NOTCH1: variants seen among roughly 807,000 people sequenced by gnomAD.
The protein encoded by NOTCH1 is notch receptor 1, also known as neurogenic locus notch homolog protein 1.
Under a neutral mutation model 254.8 loss-of-function variants are expected in NOTCH1, and 37 were observed. The observed-to-expected ratio is 0.15, with a 90% CI of 0.11 to 0.19. NOTCH1 has a LOEUF of 0.19. Among genes scored for constraint, NOTCH1 ranks in the 10% least tolerant of loss-of-function variants. The pLI is 1.00. For missense variants in NOTCH1, 2,972 were observed against 3,708.6 expected (o/e 0.80, Z 5.16); for synonymous variants, 1,731 against 1,618.1 (o/e 1.07, Z -1.68).
Position 136,545,885 on chromosome 9 carries a change from G to A in NOTCH1, c.-99C>T. The stretch of plus-strand genomic sequence containing the variant: ...CGCGGCGTACGGTCCCGGGGCGGCG[G>A]CGGACGGTCCCGCCCTCTCTTCCCC... On this transcript the variant is annotated 5_prime_UTR_variant, in exon 1 of 34. Coordinates refer to ENST00000651671, the MANE Select transcript of NOTCH1 (RefSeq NM_017617.5). This position sits in a 1 kb window ranked among gnomAD's most constrained non-coding sequence, Gnocchi z 6.8. 1.8e-6 allele frequency: 1 copy of A among 548,164 alleles called. No individual in the cohort carries two copies. The highest frequency in any genetic ancestry group is 2.0e-5 in the African/African-American group (1 of 49,254). 34.0% of individuals were successfully genotyped at this position (548,164 alleles called of 1,614,324 possible).
chr9:136,505,245 G>A (rs565940861), intron 25 of NOTCH1, 65 bp downstream of exon 25: 398 of 1,533,250 alleles, frequency 2.6e-4, no homozygotes, highest in Middle Eastern at 3.4e-4. Context: ...GCTGGCCTCC[G>A]GGCCCAAGCC....
chr9:136,499,139 CGT>C lies in NOTCH1; in HGVS notation c.6053_6054del (p.His2018ArgfsTer8). ...EGMLEDLINS[H>X]ADVNAVDDLG... Reference sequence around the variant, plus strand: ...AGGTCATCTACGGCGTTGACGTCGGCGTGTGAGTTGATGAGGTCCTCCAGCAT... The same window carrying C: ...AGGTCATCTACGGCGTTGACGTCGGCGTGAGTTGATGAGGTCCTCCAGCAT... On this transcript the variant is annotated frameshift_variant, in exon 32 of 34. Coordinates refer to ENST00000651671, the MANE Select transcript of NOTCH1 (RefSeq NM_017617.5). LOFTEE classifies it high-confidence loss of function. 6.2e-7 allele frequency: 1 copy of C among 1,613,242 alleles called. No homozygotes were observed. The highest frequency in any genetic ancestry group is 8.5e-7 in the Non-Finnish European group (1 of 1,180,004).
Position 136,501,788 on chromosome 9 carries a change from C to T in NOTCH1, c.5598G>A (p.Glu1866=). 1 of 1,612,720 alleles carries T rather than the reference C, an allele frequency of 6.2e-7. No individual in the cohort carries two copies. The highest frequency in any genetic ancestry group is 8.5e-7 in the Non-Finnish European group (1 of 1,179,980). The part of the protein sequence containing the change: ...SAMAPTPPQG[E]VDADCMDVNV... ...TGACGTCCATGCAGTCGGCGTCAAC[C>T]TCACCCTGGGGCGGTGTGGGGGCCA... Residue 1866 remains glutamate, a synonymous_variant, in exon 30 of 34, where the codon GAG becomes GAA. Coordinates refer to ENST00000651671, the MANE Select transcript of NOTCH1 (RefSeq NM_017617.5).
rs1843001808 is a variant in NOTCH1 at position 136,501,851 on chromosome 9, C to T, written c.5535G>A (p.Gln1845=). Residue 1845 remains glutamine (Q), a synonymous_variant, in exon 30 of 34, where the codon CAG becomes CAA. Transcript: ENST00000651671. ...DDQTDHRQWT[Q]QHLDAADLRM... is the part of the protein sequence containing the mutation. ...GCAGGTCAGCGGCATCCAGGTGCTGCTGAGTCCACTGCCGGTGGTCTGTCT... is the reference window on the plus strand; with the variant it reads ...GCAGGTCAGCGGCATCCAGGTGCTGTTGAGTCCACTGCCGGTGGTCTGTCT... 10 of 1,612,680 alleles carry T rather than the reference C, an allele frequency of 6.2e-6. No homozygotes were observed. Among genetic ancestry groups the T allele is most frequent in the Non-Finnish European group, 8.5e-6 (10 of 1,179,968 alleles).
intron 21 of NOTCH1, 36 bp downstream of exon 21, chr9:136,507,919 G>C: frequency 6.2e-7 from 1 of 1,604,854 alleles, no homozygotes. Flanking sequence ...CAACACTCGT[G>C]CCGGCCACAA....
At chr9:136,541,131 G>C (rs188761421) in intron 2 of NOTCH1, among the ~76,000 whole-genome samples, 35 of 152,210 alleles carry the variant, frequency 2.3e-4, no homozygotes, top group African/African-American at 7.7e-4. Context: ...GCCACACCTC[G>C]CACAGCAGCT....
At chr9:136,515,459 C>A (rs1489959755) in intron 11 of NOTCH1, 24 bp downstream of exon 11, 3 of 1,611,558 alleles carry the variant, frequency 1.9e-6, no homozygotes, top group Non-Finnish European at 2.5e-6. Context: ...TGGCCCCCCG[C>A]CGGCCACCCG....
At chr9:136,520,212 G>T (rs1234930305) in intron 4 of NOTCH1, among the ~76,000 whole-genome samples, 1 of 152,156 alleles carries the variant, frequency 6.6e-6, no homozygotes, top group African/African-American at 2.4e-5. Flanking sequence ...ACCCAGAAAG[G>T]CGCGTTCGGC....
chr9:136,511,558 C>T lies in NOTCH1; in HGVS notation c.2468-287G>A, dbSNP rs139672274. Among the ~76,000 whole-genome samples the T allele has an allele frequency of 7.0e-3, 1,065 of 152,346 alleles. 12 individuals carry two copies. Among genetic ancestry groups the T allele is most frequent in the Non-Finnish European group, 9.3e-3 (631 of 68,032 alleles). On this transcript the variant is annotated intron_variant, in intron 15 of 33. Coordinates refer to ENST00000651671, the MANE Select transcript of NOTCH1 (RefSeq NM_017617.5). ...GGGCACAGCCTAGGCCTCACCCCAC[C>T]AGGCGTGCCCAGGAACAAGGACTGC... is the stretch of plus-strand genomic sequence containing the variant.
In NOTCH1 at chr9:136,502,088, C is replaced by T. The variant is rs2133330187; in HGVS notation, c.5385G>A (p.Lys1795=). 1 of 1,613,094 alleles carries T rather than the reference C, an allele frequency of 6.2e-7. No homozygotes were observed. Among genetic ancestry groups the T allele is most frequent in the South Asian group, 1.1e-5 (1 of 91,084 alleles). ...EPLGEDSVGL[K]PLKNASDGAL... ...CACCGTCTGAAGCGTTCTTCAGGGGCCTGGGGGGTGAGGGGTCGAGAAGTG... is the reference window on the plus strand; with the variant it reads ...CACCGTCTGAAGCGTTCTTCAGGGGTCTGGGGGGTGAGGGGTCGAGAAGTG... Residue 1795 remains lysine (K), a splice_region_variant and synonymous_variant, in exon 29 of 34, where the codon AAG becomes AAA. Coordinates refer to ENST00000651671, the MANE Select transcript of NOTCH1 (RefSeq NM_017617.5).
rs762388692 is a variant in NOTCH1 at position 136,502,031 on chromosome 9, C to A, written c.5442G>T (p.Gly1814=). 8 of 1,613,282 alleles carry A rather than the reference C, an allele frequency of 5.0e-6. No homozygotes were observed. The South Asian group carries it at 8.8e-5, about 18-fold the overall frequency. Residue 1814 remains glycine (G), a synonymous_variant, in exon 29 of 34, where the codon GGG becomes GGT. Transcript: ENST00000651671. Reference sequence around the variant, plus strand: ...ACTTCTTGGTCTCCAGGTCCTCGTCCCCCCACTCATTCTGGTTGTCGTCCA... The same window carrying A: ...ACTTCTTGGTCTCCAGGTCCTCGTCACCCCACTCATTCTGGTTGTCGTCCA... The part of the protein sequence containing the change: ...ALMDDNQNEW[G]DEDLETKKFR...
intron 2 of NOTCH1, among the ~76,000 whole-genome samples, chr9:136,539,933 C>T (rs2133400919): frequency 6.6e-6 from 1 of 152,310 alleles, no homozygotes; most frequent in African/African-American, 2.4e-5. Context: ...AGCCACGCCC[C>T]CAGTCCGCTT....
chr9:136,503,067 C>A (rs186415498), intron 27 of NOTCH1, 115 bp downstream of exon 27: 3 of 1,463,602 alleles, frequency 2.0e-6, no homozygotes, highest in Non-Finnish European at 2.8e-6. Context: ...CCAACTCGGA[C>A]GGCAACGCTC....
At chr9:136,508,797 C>T (rs1445435245) in intron 19 of NOTCH1, 73 bp downstream of exon 19, 32 of 1,424,070 alleles carry the variant, frequency 2.2e-5, no homozygotes, top group Admixed American at 1.0e-4. Flanking sequence ...CTGGGGTGAC[C>T]GTTCCCACCT....
intron 10 of NOTCH1, 48 bp from the exon 11 acceptor site, chr9:136,515,764 C>A (rs1190846880): frequency 6.7e-7 from 1 of 1,496,570 alleles, no homozygotes; most frequent in Non-Finnish European, 9.0e-7. Context: ...ACTGGCGGCC[C>A]CCGGGACACC....
chr9:136,518,506 G>C, intron 6 of NOTCH1, 85 bp downstream of exon 6: 1 of 1,313,002 alleles, frequency 7.6e-7, no homozygotes, highest in African/African-American at 1.5e-5. Context: ...GGGTGCAGGA[G>C]GGCCACAGTC....
rs573153379 is a variant in NOTCH1, at chr9:136,517,824, C to T, written c.1369G>A (p.Val457Ile). The T allele has an allele frequency of 1.1e-5, 17 of 1,612,740 alleles. No individual in the cohort carries two copies. Among genetic ancestry groups the T allele is most frequent in the African/African-American group, 5.3e-5 (4 of 75,044 alleles). ...GCGTCGTTCTGGCACGGGTTCGAGA[C>T]GCACTCGTTGACGTCGATCTCGCAT... ...PRCEIDVNEC[V>I]SNPCQNDATC... The change falls in exon 8 of 34, where the codon GTC (valine) becomes ATC (isoleucine). Residue 457 changes from valine to isoleucine, a missense_variant. Val to Ile is a conservative substitution (Grantham distance 29). Transcript: ENST00000651671.
chr9:136,509,013 G>A lies in NOTCH1; in HGVS notation c.3028C>T (p.Pro1010Ser). Residue 1010 changes from proline (P) to serine (S), a missense_variant, in exon 19 of 34, where the codon CCA (proline) becomes TCA (serine). Pro to Ser is a moderately conservative substitution (Grantham distance 74). Transcript: ENST00000651671. ...CAGTAGCTGCCCGTGAAGCCGGGTG[G>A]ACACAGGCAGGTGAACGAGTTGATG... ...DGINSFTCLCPPGFTGSYCQH... is the reference protein window; with the variant it reads ...DGINSFTCLCSPGFTGSYCQH... 6.4e-7 allele frequency: 1 copy of A among 1,562,966 alleles called. No homozygotes were observed. The highest frequency in any genetic ancestry group is 1.2e-5 in the South Asian group (1 of 84,976).
chr9:136,522,009 G>A (rs1231522750), intron 4 of NOTCH1, among the ~76,000 whole-genome samples: 11 of 142,436 alleles, frequency 7.7e-5, no homozygotes, highest in South Asian at 2.2e-4. Context: ...ACGGAGTCTC[G>A]CTCTGTCGCC....
Sources: gnomAD v4.1 joint callset for allele counts (sites outside exome capture counted in the v4.1 genomes callset) on GRCh38, gnomAD v4.1.1 for gene constraint, Gnocchi (gnomAD v3.1) non-coding constraint, MANE v1.5 for transcripts, NCBI Gene and HGNC (gene_info 2026-07-23, HGNC 2026-07-21) for gene names.